CALD1: variants seen among roughly 807,000 people sequenced by gnomAD.
The protein encoded by CALD1 is caldesmon.
Under a neutral mutation model 99.9 loss-of-function variants are expected in CALD1, and 33 were observed. The observed-to-expected ratio is 0.33, with a 90% CI of 0.25 to 0.44. CALD1 has a LOEUF of 0.44. Among genes scored for constraint, CALD1 ranks in the 20% least tolerant of loss-of-function variants. The probability of loss-of-function intolerance (pLI) is 1.00; values close to 1 mark genes in which losing one functional copy is unlikely to be tolerated. For synonymous variants in CALD1, 310 were observed against 325.0 expected (o/e 0.95, Z 0.50); for missense variants, 861 against 962.1 (o/e 0.89, Z 1.39).
rs368386927 is a variant in CALD1 at position 134,947,658 on chromosome 7, G to A, written c.1683G>A (p.Ala561=). 6 of 1,587,434 alleles carry A rather than the reference G, an allele frequency of 3.8e-6. No individual in the cohort carries two copies. The Admixed American group carries it at 7.2e-5, about 19-fold the overall frequency. ...AGCTCAAACAGAAGCAGCAGGAGGC[G>A]GCTTTGGAGCTGGAGGAACTCAAGA... ...FEKLKQKQQE[A]ALELEELKKK... The change falls in exon 8 of 15, where the codon GCG becomes GCA. Residue 561 remains alanine (A), a synonymous_variant. Transcript: ENST00000361675.
At chr7:134,735,973 G>A in the CALD1 span, among the ~76,000 whole-genome samples, 1 of 152,154 alleles carries the variant, frequency 6.6e-6, no homozygotes, top group Non-Finnish European at 1.5e-5. Context: ...ACACTGAGCA[G>A]AAATCTGTAA....
chr7:134,791,739 G>T (rs1797543201), intron 1 of CALD1, among the ~76,000 whole-genome samples: 1 of 152,202 alleles, frequency 6.6e-6, no homozygotes, highest in South Asian at 2.1e-4. Flanking sequence ...GGACCAGATT[G>T]CATCTGGAGT....
chr7:134,744,952 A>G (rs992928909), intron 1 of CALD1, among the ~76,000 whole-genome samples: 1 of 152,150 alleles, frequency 6.6e-6, no homozygotes, highest in Admixed American at 6.5e-5. Flanking sequence ...ATAGTAATTT[A>G]TGTTCAAATT....
At chr7:134,823,325 C>A (rs1473013808) in intron 1 of CALD1, among the ~76,000 whole-genome samples, 1 of 152,180 alleles carries the variant, frequency 6.6e-6, no homozygotes, top group African/African-American at 2.4e-5. Flanking sequence ...TGTTAGATGA[C>A]TGGTTGTGAA....
At chr7:134,712,955 C>T in the CALD1 span, among the ~76,000 whole-genome samples, 2 of 152,114 alleles carry the variant, frequency 1.3e-5, no homozygotes, top group Non-Finnish European at 2.9e-5. Flanking sequence ...TCACTCCTTC[C>T]CTCTTTCATT....
intron 1 of CALD1, among the ~76,000 whole-genome samples, chr7:134,837,934 C>A (rs1331525733): frequency 6.6e-6 from 1 of 152,182 alleles, no homozygotes; most frequent in Non-Finnish European, 1.5e-5. Flanking sequence ...GTCAGTCTTA[C>A]AATTCCATGC....
Position 134,948,359 on chromosome 7 carries a change from G to A in CALD1, c.1794+590G>A, listed in dbSNP as rs1377164700. On this transcript the variant is annotated intron_variant, in intron 8 of 14. Coordinates refer to ENST00000361675, the MANE Select transcript of CALD1 (RefSeq NM_033138.4). ...AGGAAGAGCCCCATCATTATAAACA[G>A]ATGGATTTGTTTCATCTTTTAAGAC... Among the ~76,000 whole-genome samples the A allele has an allele frequency of 5.3e-5, 8 of 152,170 alleles. No individual in the cohort carries two copies. The East Asian group carries it at 1.4e-3, about 26-fold the overall frequency.
chr7:134,791,013 T>C (rs1250592657), intron 1 of CALD1, among the ~76,000 whole-genome samples: 8 of 148,962 alleles, frequency 5.4e-5, no homozygotes, highest in African/African-American at 1.0e-4. Flanking sequence ...TCTCTGTCCA[T>C]TGATTTACAA....
chr7:134,937,893 T>C (rs1806116744), intron 6 of CALD1, among the ~76,000 whole-genome samples: 1 of 152,232 alleles, frequency 6.6e-6, no homozygotes, highest in Admixed American at 6.5e-5. Flanking sequence ...TTCTCTCCTC[T>C]CCAATCATAA....
chr7:134,896,834 G>C (rs1346916000), intron 3 of CALD1, among the ~76,000 whole-genome samples: 1 of 152,186 alleles, frequency 6.6e-6, no homozygotes, highest in Non-Finnish European at 1.5e-5. Flanking sequence ...CTGTCCTCTG[G>C]AGGCGAACTT....
At chr7:134,888,100 G>A (rs1801966347) in intron 3 of CALD1, among the ~76,000 whole-genome samples, 2 of 152,210 alleles carry the variant, frequency 1.3e-5, no homozygotes, top group African/African-American at 4.8e-5. Flanking sequence ...GGACCACCCT[G>A]TGGTGGGAGC....
intron 1 of CALD1, among the ~76,000 whole-genome samples, chr7:134,761,878 A>T (rs1796781531): frequency 6.6e-6 from 1 of 152,222 alleles, no homozygotes; most frequent in Non-Finnish European, 1.5e-5. Context: ...TATTTTTGAA[A>T]TATTTGCAAT....
intron 1 of CALD1, among the ~76,000 whole-genome samples, chr7:134,758,117 T>G (rs954969013): frequency 3.3e-5 from 5 of 152,198 alleles, no homozygotes; most frequent in East Asian, 1.9e-4. Flanking sequence ...ACATTCCACA[T>G]GCTGAGTGTG....
At chr7:134,873,625 C>T (rs1419222406) in intron 3 of CALD1, among the ~76,000 whole-genome samples, 1 of 152,206 alleles carries the variant, frequency 6.6e-6, no homozygotes, top group Non-Finnish European at 1.5e-5. Context: ...AACCCCAAGA[C>T]ACATAATGAT....
At chr7:134,806,787 T>C (rs1798156823) in intron 1 of CALD1, among the ~76,000 whole-genome samples, 1 of 152,214 alleles carries the variant, frequency 6.6e-6, no homozygotes, top group Non-Finnish European at 1.5e-5. Flanking sequence ...TTAGAATTTT[T>C]ATAATACTTA....
At chr7:134,784,670 G>A (rs1797238793) in intron 1 of CALD1, among the ~76,000 whole-genome samples, 1 of 152,126 alleles carries the variant, frequency 6.6e-6, no homozygotes, top group Non-Finnish European at 1.5e-5. Context: ...CAAGTAAAGG[G>A]CCAGGATTGT....
chr7:134,884,635 A>AG (rs1491228235), intron 3 of CALD1, among the ~76,000 whole-genome samples: 1 of 58 alleles, frequency 0.017, no homozygotes, highest in Non-Finnish European at 0.031. Flanking sequence ...TGAATACTCC[A>AG]AAAAAAAAAA....
intron 1 of CALD1, among the ~76,000 whole-genome samples, chr7:134,820,277 T>C (rs1798722379): frequency 6.6e-6 from 1 of 152,214 alleles, no homozygotes; most frequent in Non-Finnish European, 1.5e-5. Context: ...CTAAAAGCTA[T>C]GCTTAAAATT....
Position 134,933,634 on chromosome 7 carries a change from G to T in CALD1, c.865G>T (p.Ala289Ser). Residue 289 changes from alanine to serine, a missense_variant, in exon 5 of 15, where the codon GCA becomes TCA. This residue lies in a region of CALD1 where 234 missense variants were observed against 233.1 expected (regional missense o/e 1.00). Coordinates refer to ENST00000361675, the MANE Select transcript of CALD1 (RefSeq NM_033138.4). ...TAAAGCCGAGCAAGACAAAAAGATA[G>T]CAGATGAACGAGCAAGAATTGAAGC... ...RIKAEQDKKI[A>S]DERARIEAEE... 6.2e-7 allele frequency: 1 copy of T among 1,610,356 alleles called. No individual in the cohort carries two copies. The highest frequency in any genetic ancestry group is 8.5e-7 in the Non-Finnish European group (1 of 1,178,168).
Sources: allele counts gnomAD v4.1 joint callset (sites outside exome capture counted in the v4.1 genomes callset), GRCh38; gene constraint gnomAD v4.1.1; regional missense constraint gnomAD v4.1.1; transcripts MANE v1.5; gene names NCBI Gene and HGNC (gene_info 2026-07-23, HGNC 2026-07-21).